THADA: variants seen among roughly 807,000 people sequenced by gnomAD.
THADA encodes the protein tRNA (32-2'-O)-methyltransferase regulator THADA.
A neutral mutation model predicts 219.8 loss-of-function variants in THADA; 213 were observed. The observed-to-expected ratio is 0.97, with a 90% CI of 0.87 to 1.09. The LOEUF is 1.09. Among genes scored for constraint, THADA ranks in the 50% least tolerant of loss-of-function variants. The pLI is 0.00. For synonymous variants in THADA, 1,018 were observed against 828.9 expected, an observed-to-expected ratio of 1.23 and a Z score of -3.92; for missense variants, 2,956 against 2,311.3, an observed-to-expected ratio of 1.28 and a Z score of -5.72.
At chr2:43,455,547 C>A (rs1221780583) in intron 26 of THADA, among the ~76,000 whole-genome samples, 2 of 152,022 alleles carry the variant, frequency 1.3e-5, no homozygotes, top group Non-Finnish European at 2.9e-5. Context: ...CACACAAACA[C>A]ACACAACAAT....
intron 36 of THADA, among the ~76,000 whole-genome samples, chr2:43,249,164 T>C (rs1389972364): frequency 6.6e-6 from 1 of 152,064 alleles, no homozygotes; most frequent in African/African-American, 2.4e-5. Context: ...CATGGCTCAC[T>C]GCAGCCTCAA....
Position 43,232,707 on chromosome 2 carries a change from G to A in THADA, c.5466+6C>T. 4.3e-6 allele frequency: 7 copies of A among 1,613,354 alleles called. No individual in the cohort carries two copies. The highest frequency in any genetic ancestry group is 3.4e-6 in the Non-Finnish European group (4 of 1,179,456). ...GCCTCCTACTCCCCTGACACCCCGG[G>A]ATCACCTGATGCATGCTCTCCACAC... is the stretch of plus-strand genomic sequence containing the variant. On this transcript the variant is annotated splice_donor_region_variant and intron_variant, in intron 37 of 37. Transcript: ENST00000405975.
At chr2:43,450,736 C>A (rs1682206641) in intron 26 of THADA, among the ~76,000 whole-genome samples, 1 of 152,142 alleles carries the variant, frequency 6.6e-6, no homozygotes, top group South Asian at 2.1e-4. Flanking sequence ...TTACAAGAGA[C>A]TTGCTTTAGC....
intron 36 of THADA, among the ~76,000 whole-genome samples, chr2:43,268,447 A>G (rs977545919): frequency 6.6e-6 from 1 of 152,186 alleles, no homozygotes; most frequent in Admixed American, 6.5e-5. Context: ...CCACCACCAG[A>G]GCCACTCTCC....
At chr2:43,382,753 A>G (rs1672194513) in intron 29 of THADA, among the ~76,000 whole-genome samples, 1 of 152,214 alleles carries the variant, frequency 6.6e-6, no homozygotes, top group Non-Finnish European at 1.5e-5. Context: ...AAATTCACAT[A>G]TAGGAGCTTT....
chr2:43,551,948 A>G, intron 18 of THADA, 23 bp from the exon 19 acceptor site: 1 of 1,586,516 alleles, frequency 6.3e-7, no homozygotes, highest in African/African-American at 1.4e-5. Flanking sequence ...CATTAGGGAA[A>G]TTTATACTAA....
At chr2:43,333,512 C>A (rs567272612) in intron 30 of THADA, among the ~76,000 whole-genome samples, 1 of 150,154 alleles carries the variant, frequency 6.7e-6, no homozygotes, top group South Asian at 2.1e-4. Context: ...AAGGAGGATC[C>A]TTTTTTTTGA....
intron 29 of THADA, chr2:43,371,844 TA>T (rs983966651): frequency 5.4e-4 from 79 of 147,038 alleles, no homozygotes; most frequent in Non-Finnish European, 5.4e-4. Context: ...TCTGGTGCAC[TA>T]AAAAAAAAAA....
At chr2:43,474,372 T>C (rs576389022) in intron 26 of THADA, among the ~76,000 whole-genome samples, 2 of 152,268 alleles carry the variant, frequency 1.3e-5, no homozygotes, top group Admixed American at 6.5e-5. Flanking sequence ...GCTCTTCCCC[T>C]GAGAGAGAGG....
intron 7 of THADA, among the ~76,000 whole-genome samples, chr2:43,582,457 A>G (rs1700560024): frequency 6.7e-6 from 1 of 149,792 alleles, no homozygotes; most frequent in Non-Finnish European, 1.5e-5. Flanking sequence ...AGATGGCACT[A>G]CTGCACTCCA....
intron 31 of THADA, among the ~76,000 whole-genome samples, chr2:43,312,362 G>A (rs1677614681): frequency 6.6e-6 from 1 of 152,076 alleles, no homozygotes; most frequent in Admixed American, 6.5e-5. Flanking sequence ...CTTTAACTTT[G>A]GTCACAGAAA....
At chr2:43,253,905 G>A (rs1336678050) in intron 36 of THADA, among the ~76,000 whole-genome samples, 1 of 151,926 alleles carries the variant, frequency 6.6e-6, no homozygotes, top group East Asian at 2.0e-4. Flanking sequence ...GGTTTTAGCA[G>A]ACATCTGTTG....
intron 15 of THADA, 56 bp from the exon 16 acceptor site, chr2:43,560,441 T>C (rs951512925): frequency 7.5e-7 from 1 of 1,329,358 alleles, no homozygotes; most frequent in Non-Finnish European, 9.9e-7. Flanking sequence ...AAATCAGTCT[T>C]CTGAAGTTAT....
chr2:43,435,780 C>T (rs1189215008), intron 26 of THADA, among the ~76,000 whole-genome samples: 118 of 113,200 alleles, frequency 1.0e-3, no homozygotes, highest in African/African-American at 3.8e-3. Flanking sequence ...GAACTTGCCA[C>T]CAAAAAAAAA....
intron 28 of THADA, among the ~76,000 whole-genome samples, chr2:43,427,503 T>TGTGTGTGTGTGTG (rs1678605130): frequency 1.4e-5 from 2 of 140,600 alleles, no homozygotes; most frequent in African/African-American, 5.3e-5. Context: ...CTCCCAAAGT[T>TGTGTGTGTGTGTG]TGTGTGTGTG....
At chr2:43,549,944 T>C (rs1254764377) in intron 19 of THADA, among the ~76,000 whole-genome samples, 10 of 151,782 alleles carry the variant, frequency 6.6e-5, no homozygotes, top group Non-Finnish European at 1.5e-4. Flanking sequence ...AGGAATATCG[T>C]AACGACTCCA....
intron 30 of THADA, 43 bp from the exon 31 acceptor site, chr2:43,320,583 C>T: frequency 6.7e-7 from 1 of 1,493,160 alleles, no homozygotes; most frequent in Non-Finnish European, 9.2e-7. Flanking sequence ...ATTTTCTCTC[C>T]CTTAGGTCTG....
chr2:43,553,710 G>C (rs547772942), intron 17 of THADA, among the ~76,000 whole-genome samples: 1 of 152,286 alleles, frequency 6.6e-6, no homozygotes, highest in East Asian at 1.9e-4. Context: ...TTCCAAAGCA[G>C]ATACAGCATT....
chr2:43,455,028 C>T (rs1682817001), intron 26 of THADA, among the ~76,000 whole-genome samples: 1 of 151,972 alleles, frequency 6.6e-6, no homozygotes, highest in African/African-American at 2.4e-5. Flanking sequence ...TTTAGTTCTA[C>T]ATGTTCTTAA....
Sources: gnomAD v4.1 joint callset for allele counts (sites outside exome capture counted in the v4.1 genomes callset) on GRCh38, gnomAD v4.1.1 for gene constraint, MANE v1.5 for transcripts, NCBI Gene and HGNC (gene_info 2026-07-23, HGNC 2026-07-21) for gene names.